Variants in ZNF704 observed in about 807,000 individuals in gnomAD.
The protein encoded by ZNF704 is glucocorticoid induced gene 1.
A neutral mutation model predicts 44.7 loss-of-function variants in ZNF704; 10 were observed. The ratio of observed to expected loss-of-function variants is 0.22; its 90% CI spans 0.14 to 0.38. The LOEUF is 0.38. Among genes scored for constraint, ZNF704 ranks in the 10% least tolerant of loss-of-function variants. The probability of loss-of-function intolerance (pLI) is 1.00; values close to 1 mark genes in which losing one functional copy is unlikely to be tolerated. For missense variants in ZNF704, 390 were observed against 545.5 expected (o/e 0.71, Z 2.84); for synonymous variants, 211 against 207.6 (o/e 1.02, Z -0.14).
At chr8:80,643,964 A>C (rs1303007119) in intron 7 of ZNF704, among the ~76,000 whole-genome samples, 1 of 152,152 alleles carries the variant, frequency 6.6e-6, no homozygotes, top group Non-Finnish European at 1.5e-5. Context: ...ATTCTTGTAA[A>C]AAACACCCCA....
At chr8:80,686,906 G>A (rs572276976) in intron 4 of ZNF704, among the ~76,000 whole-genome samples, 3 of 152,204 alleles carry the variant, frequency 2.0e-5, no homozygotes, top group East Asian at 1.9e-4. Flanking sequence ...CGAAGAGAGC[G>A]AGTTCATACC....
intron 1 of ZNF704, among the ~76,000 whole-genome samples, chr8:80,822,370 T>G (rs1225452659): frequency 6.6e-6 from 1 of 151,654 alleles, no homozygotes; most frequent in South Asian, 2.1e-4. Flanking sequence ...GAACATGTGA[T>G]GAACTCATCC....
At chr8:80,808,663 G>GC (rs1275871633) in intron 2 of ZNF704, among the ~76,000 whole-genome samples, 36 of 152,306 alleles carry the variant, frequency 2.4e-4, no homozygotes. Flanking sequence ...CCTTACAAAT[G>GC]TGGTGCAGCT....
chr8:80,679,690 G>T (rs1423847845), intron 4 of ZNF704, among the ~76,000 whole-genome samples: 3 of 152,164 alleles, frequency 2.0e-5, no homozygotes, highest in Admixed American at 1.3e-4. Context: ...GGGAACAGAG[G>T]GAGGCCACCA....
At chr8:80,801,000 G>C (rs1350628781) in intron 2 of ZNF704, among the ~76,000 whole-genome samples, 1 of 152,058 alleles carries the variant, frequency 6.6e-6, no homozygotes. Context: ...GAAAAAAGCA[G>C]GTGTTGCAAT....
At chr8:80,709,155 A>T (rs926442416) in intron 2 of ZNF704, among the ~76,000 whole-genome samples, 2 of 152,104 alleles carry the variant, frequency 1.3e-5, no homozygotes, top group Admixed American at 6.5e-5. Flanking sequence ...AAAACTTCTA[A>T]AAGTTCAGGC....
At chr8:80,877,305 G>C (rs1224266727), upstream of ZNF704, among the ~76,000 whole-genome samples, 1 of 151,244 alleles carries the variant, frequency 6.6e-6, no homozygotes, top group Non-Finnish European at 1.5e-5. Flanking sequence ...AGAAGGATCT[G>C]TTCAGGCAGG....
rs78750745 is a variant in ZNF704 at position 80,649,352 on chromosome 8, G to A, written c.1033-6223C>T. Among the ~76,000 whole-genome samples, 781 of 152,274 alleles carry A rather than the reference G, an allele frequency of 5.1e-3. 7 individuals are homozygous for A. The highest frequency in any genetic ancestry group is 0.018 in the African/African-American group (751 of 41,550). ...GGGTGCAGCACACCGAGTGTGAGCC[G>A]AAGCAGGATGAGGCATCGCCTCACC... On this transcript the variant is annotated intron_variant, in intron 7 of 8. Transcript: ENST00000327835.
intron 2 of ZNF704, among the ~76,000 whole-genome samples, chr8:80,719,974 C>T (rs531655698): frequency 6.6e-6 from 1 of 152,308 alleles, no homozygotes; most frequent in Admixed American, 6.5e-5. Flanking sequence ...TCATTTCCTC[C>T]TCACAATAAC....
Position 80,792,582 on chromosome 8 carries a change from T to C in ZNF704, c.221+28792A>G, listed in dbSNP as rs370116370. Reference sequence around the variant, plus strand: ...TCTTTAATTAGGCTACAAAAAAGACTGTGACTCCTGTCGTGCTAGCAGATT... The same window carrying C: ...TCTTTAATTAGGCTACAAAAAAGACCGTGACTCCTGTCGTGCTAGCAGATT... On this transcript the variant is annotated intron_variant, in intron 2 of 8. Transcript: ENST00000327835. Among the ~76,000 whole-genome samples the C allele has an allele frequency of 9.8e-5, 15 of 152,326 alleles. 1 individual carries two copies. Among genetic ancestry groups the C allele is most frequent in the African/African-American group, 3.6e-4 (15 of 41,576 alleles).
intron 2 of ZNF704, among the ~76,000 whole-genome samples, chr8:80,776,477 T>C (rs1807412225): frequency 6.6e-6 from 1 of 152,240 alleles, no homozygotes; most frequent in South Asian, 2.1e-4. Flanking sequence ...TGGTGAACTA[T>C]CTGTTATTGA....
chr8:80,798,256 A>T (rs913417555), intron 2 of ZNF704, among the ~76,000 whole-genome samples: 1 of 148,818 alleles, frequency 6.7e-6, no homozygotes, highest in Admixed American at 6.7e-5. Context: ...TTTAGTGTCC[A>T]TATTTTTTTT....
chr8:80,659,725 G>A, intron 6 of ZNF704, 36 bp from the exon 7 acceptor site: 1 of 1,591,356 alleles, frequency 6.3e-7, no homozygotes, highest in Non-Finnish European at 8.6e-7. Flanking sequence ...TGTTATGAAG[G>A]AATATTTTCC....
chr8:80,779,151 C>T (rs569391168), intron 2 of ZNF704, among the ~76,000 whole-genome samples: 2 of 151,626 alleles, frequency 1.3e-5, no homozygotes, highest in South Asian at 4.2e-4. Flanking sequence ...CTTTCCTCCT[C>T]CTCCTTCCTC....
Position 80,665,066 on chromosome 8 carries a change from C to A in ZNF704, c.676G>T (p.Asp226Tyr). ...AAGTCCTCTTCTCCATCACTGTAGT[C>A]AGAGTCTCCAACGCGCCTAATGCAA... ...TIHLGRVGDS[D>Y]YSDGEEDFYY... The change falls in exon 6 of 9, where the codon GAC becomes TAC. Residue 226 changes from aspartate to tyrosine, a missense_variant. Physicochemically the swap from Asp to Tyr is radical, Grantham distance 160. Around this residue, in one of 3 missense-constraint regions of ZNF704, gnomAD observed 305 missense variants for 435.7 expected, o/e 0.70. Transcript: ENST00000327835. 1 of 1,614,178 alleles carries A rather than the reference C, an allele frequency of 6.2e-7. No homozygotes were observed. Among genetic ancestry groups the A allele is most frequent in the Non-Finnish European group, 8.5e-7 (1 of 1,180,022 alleles).
intron 4 of ZNF704, among the ~76,000 whole-genome samples, chr8:80,671,807 C>T (rs1244769134): frequency 6.6e-6 from 1 of 152,178 alleles, no homozygotes; most frequent in African/African-American, 2.4e-5. Flanking sequence ...AAGTGACACA[C>T]ATTCCTTCTA....
At chr8:80,784,732 G>T (rs929026272) in intron 2 of ZNF704, among the ~76,000 whole-genome samples, 13 of 152,156 alleles carry the variant, frequency 8.5e-5, no homozygotes, top group Non-Finnish European at 1.5e-4. Context: ...CAGAGCAGAA[G>T]TTTTTAATTT....
intron 2 of ZNF704, among the ~76,000 whole-genome samples, chr8:80,754,548 A>C (rs1415658109): frequency 6.6e-6 from 1 of 152,266 alleles, no homozygotes; most frequent in Non-Finnish European, 1.5e-5. Context: ...AGCCCAGAAT[A>C]GTTCCATATA....
intron 7 of ZNF704, among the ~76,000 whole-genome samples, chr8:80,646,675 C>A (rs575938764): frequency 3.4e-4 from 51 of 152,190 alleles, no homozygotes; most frequent in African/African-American, 1.2e-3. Context: ...AGATACGCAG[C>A]TTCCTCCAAG....
Sources: gnomAD v4.1 joint callset for allele counts (sites outside exome capture counted in the v4.1 genomes callset) on GRCh38, gnomAD v4.1.1 for gene constraint, gnomAD v4.1.1 regional missense constraint, MANE v1.5 for transcripts, NCBI Gene and HGNC (gene_info 2026-07-23, HGNC 2026-07-21) for gene names.